KIF18A: variants seen among roughly 807,000 people sequenced by gnomAD.
KIF18A encodes kinesin-like protein KIF18A.
KIF18A carries 67 observed loss-of-function variants against 103.3 expected under a neutral mutation model. That is an observed-to-expected ratio of 0.65 (90% CI 0.53 to 0.79). The LOEUF is 0.79. Among genes scored for constraint, KIF18A ranks in the 30% least tolerant of loss-of-function variants. The probability of loss-of-function intolerance (pLI) is 0.00; values close to 1 mark genes in which losing one functional copy is unlikely to be tolerated. For synonymous variants in KIF18A, 367 were observed against 355.5 expected (o/e 1.03, Z -0.36); for missense variants, 1,032 against 1,062.5 (o/e 0.97, Z 0.40).
intron 2 of KIF18A, among the ~76,000 whole-genome samples, chr11:28,096,951 T>G (rs925215153): frequency 6.6e-6 from 1 of 151,942 alleles, no homozygotes; most frequent in African/African-American, 2.4e-5. Flanking sequence ...TAAAGATGCT[T>G]CTTGGGCTAA....
At chr11:28,078,998 G>T (rs548218328) in intron 9 of KIF18A, among the ~76,000 whole-genome samples, 4 of 151,966 alleles carry the variant, frequency 2.6e-5, no homozygotes, top group Non-Finnish European at 5.9e-5. Flanking sequence ...ATAAATACAA[G>T]TAAGTTACTT....
intron 2 of KIF18A, among the ~76,000 whole-genome samples, chr11:28,096,008 C>CAAAAAAAAAAAAAA (rs752176368): frequency 1.4e-5 from 1 of 73,762 alleles, no homozygotes; most frequent in African/African-American, 5.7e-5. Context: ...AAGACTTCAT[C>CAAAAAAAAAAAAAA]AAAAAAAAAA....
intron 1 of KIF18A, among the ~76,000 whole-genome samples, chr11:28,101,256 T>G (rs1163286835): frequency 6.6e-6 from 1 of 152,122 alleles, no homozygotes; most frequent in Admixed American, 6.6e-5. Context: ...AAAAACTATC[T>G]CCTATACACA....
At chr11:28,078,598 A>G (rs1251598662) in intron 9 of KIF18A, among the ~76,000 whole-genome samples, 1 of 152,182 alleles carries the variant, frequency 6.6e-6, no homozygotes, top group Admixed American at 6.5e-5. Flanking sequence ...TCAAGTTAAA[A>G]GTATCTGCAC....
intron 13 of KIF18A, among the ~76,000 whole-genome samples, chr11:28,051,282 A>T (rs555275040): frequency 4.6e-5 from 7 of 151,990 alleles, no homozygotes; most frequent in Admixed American, 4.6e-4. Flanking sequence ...TACTATATAA[A>T]AAAAACTATA....
intron 9 of KIF18A, among the ~76,000 whole-genome samples, chr11:28,078,085 TTAAAA>T (rs1851118825): frequency 6.6e-6 from 1 of 152,076 alleles, no homozygotes; most frequent in Non-Finnish European, 1.5e-5. Context: ...AGTGAAGACT[TTAAAA>T]TAAAGTAAAA....
intron 11 of KIF18A, among the ~76,000 whole-genome samples, chr11:28,066,189 T>C (rs935581877): frequency 3.3e-5 from 5 of 152,028 alleles, no homozygotes; most frequent in African/African-American, 1.2e-4. Context: ...ATGACTGCTT[T>C]AGATATACAG....
intron 1 of KIF18A, among the ~76,000 whole-genome samples, chr11:28,102,230 C>G (rs1038013020): frequency 4.6e-5 from 7 of 152,156 alleles, no homozygotes; most frequent in Admixed American, 2.6e-4. Flanking sequence ...CTGAAATTTG[C>G]TGAGAGCTTC....
chr11:28,084,838 A>G (rs1565087803), intron 6 of KIF18A, 30 bp from the exon 7 acceptor site: 4 of 1,560,230 alleles, frequency 2.6e-6, no homozygotes, highest in South Asian at 1.1e-5. Flanking sequence ...ATCTTATGTC[A>G]TTTTCCACAT....
chr11:28,088,277 TA>T (rs949301368), intron 6 of KIF18A, among the ~76,000 whole-genome samples: 1 of 152,160 alleles, frequency 6.6e-6, no homozygotes, highest in Admixed American at 6.5e-5. Flanking sequence ...AAATATTAAC[TA>T]TCAATCTGGT....
chr11:28,078,382 A>G (rs528512530), intron 9 of KIF18A, among the ~76,000 whole-genome samples: 1 of 152,312 alleles, frequency 6.6e-6, no homozygotes, highest in East Asian at 1.9e-4. Context: ...TTATACTTAA[A>G]GAGATAATTT....
chr11:28,092,841 TAAATCATA>T (rs1264666427), intron 3 of KIF18A, among the ~76,000 whole-genome samples: 1 of 152,216 alleles, frequency 6.6e-6, no homozygotes, highest in Non-Finnish European at 1.5e-5. Context: ...GAAATATTTT[TAAATCATA>T]TCTTTTTGAT....
intron 6 of KIF18A, among the ~76,000 whole-genome samples, chr11:28,086,786 A>T (rs1282663765): frequency 6.6e-6 from 1 of 152,202 alleles, no homozygotes; most frequent in Non-Finnish European, 1.5e-5. Context: ...TTGACTCACA[A>T]ATGACTCAAT....
intron 8 of KIF18A, 39 bp from the exon 9 acceptor site, chr11:28,083,007 T>G (rs1414728916): frequency 1.4e-6 from 2 of 1,467,286 alleles, no homozygotes; most frequent in Admixed American, 4.3e-5. Context: ...ACAAAAGAAG[T>G]CATTTACATG....
At chr11:28,024,580 A>G (rs1294142738) in intron 15 of KIF18A, among the ~76,000 whole-genome samples, 1 of 152,162 alleles carries the variant, frequency 6.6e-6, no homozygotes, top group Non-Finnish European at 1.5e-5. Flanking sequence ...AATACATGAA[A>G]TAATATAAGG....
rs761996198 is a variant in KIF18A at position 28,091,495 on chromosome 11, G to A, written c.502C>T (p.Arg168Cys). 2.3e-5 allele frequency: 37 copies of A among 1,599,358 alleles called. No homozygotes were observed. In the East Asian group the frequency reaches 7.6e-4, roughly 33 times the overall value. Residue 168 changes from arginine to cysteine, a missense_variant, in exon 4 of 17, where the codon CGT becomes TGT. By Grantham distance (180) the Arg-to-Cys change is radical. Transcript: ENST00000263181. ...GGCCCTGAATTTACTAAGAGATCAC[G>A]AATCTGTTCATTATATACCTTAAAA... The part of the protein sequence containing the change: ...SYLEVYNEQI[R>C]DLLVNSGPLA...
intron 15 of KIF18A, among the ~76,000 whole-genome samples, chr11:28,025,499 G>T (rs1401562506): frequency 6.6e-6 from 1 of 151,764 alleles, no homozygotes; most frequent in Non-Finnish European, 1.5e-5. Context: ...CTAGTTCCAG[G>T]ACCCTACTTT....
At chr11:28,025,234 C>T (rs887923827) in intron 15 of KIF18A, among the ~76,000 whole-genome samples, 2 of 151,830 alleles carry the variant, frequency 1.3e-5, no homozygotes, top group African/African-American at 2.4e-5. Flanking sequence ...AATTTGTATG[C>T]ACAAATATTA....
At chr11:28,031,342 C>G (rs1250318047) in intron 15 of KIF18A, among the ~76,000 whole-genome samples, 1 of 152,136 alleles carries the variant, frequency 6.6e-6, no homozygotes, top group African/African-American at 2.4e-5. Flanking sequence ...CCATGGAAGA[C>G]TATGCAGCCA....
Sources: allele counts gnomAD v4.1 joint callset (sites outside exome capture counted in the v4.1 genomes callset), GRCh38; gene constraint gnomAD v4.1.1; transcripts MANE v1.5; gene names NCBI Gene and HGNC (gene_info 2026-07-23, HGNC 2026-07-21).